The following SLC39A14 variants were observed in gnomAD, a reference collection of about 807,000 sequenced individuals.
The protein encoded by SLC39A14 is solute carrier family 39 member 14.
In SLC39A14, 19 loss-of-function variants were observed where a neutral mutation model predicts 45.5. That is an observed-to-expected ratio of 0.42 (90% CI 0.29 to 0.61). The LOEUF (loss-of-function observed/expected upper bound fraction) is 0.61, where lower values mean the gene tolerates loss of function less well. Ranked by LOEUF, SLC39A14 falls within the 20% of genes least tolerant of loss-of-function variation. The pLI is 0.22. For synonymous variants in SLC39A14, 264 were observed against 251.3 expected (o/e 1.05, Z -0.48); for missense variants, 447 against 616.5 (o/e 0.73, Z 2.91).
In SLC39A14 at chr8:22,415,783, C is replaced by G. The variant is rs769117630; in HGVS notation, c.765C>G (p.His255Gln). The G allele has an allele frequency of 6.2e-7, 1 of 1,612,064 alleles. No individual in the cohort carries two copies. Among genetic ancestry groups the G allele is most frequent in the Admixed American group, 1.7e-5 (1 of 59,180 alleles). The change falls in exon 6 of 9, where the codon CAC becomes CAG. Residue 255 changes from histidine (H) to glutamine (Q), a missense_variant. His to Gln is a conservative substitution (Grantham distance 24). Coordinates refer to ENST00000381237, the MANE Select transcript of SLC39A14 (RefSeq NM_001128431.4). ...LKQKNEHHHG[H>Q]SHYASESLPS... ...CACCCTTCCAGCATCATCATGGACA[C>G]AGCCATTATGCCTCTGAGTCGCTTC... is the stretch of plus-strand genomic sequence containing the variant.
intron 1 of SLC39A14, among the ~76,000 whole-genome samples, chr8:22,394,825 A>G (rs1834292665): frequency 6.6e-6 from 1 of 151,952 alleles, no homozygotes; most frequent in Admixed American, 6.6e-5. Flanking sequence ...TCTTTACCAA[A>G]TTGTGTGATG....
chr8:22,369,301 G>C (rs1005749274), intron 1 of SLC39A14, among the ~76,000 whole-genome samples: 1 of 152,214 alleles, frequency 6.6e-6, no homozygotes, highest in Non-Finnish European at 1.5e-5. Context: ...CGGGAGATTC[G>C]ATCCAGGTGT....
intron 1 of SLC39A14, among the ~76,000 whole-genome samples, chr8:22,374,387 G>A (rs1029021485): frequency 1.3e-5 from 2 of 152,190 alleles, no homozygotes; most frequent in African/African-American, 4.8e-5. Context: ...TCCTGAAGCT[G>A]CAGTAAGTGG....
At chr8:22,393,557 C>T (rs1039327274) in intron 1 of SLC39A14, among the ~76,000 whole-genome samples, 1 of 152,214 alleles carries the variant, frequency 6.6e-6, no homozygotes, top group African/African-American at 2.4e-5. Flanking sequence ...GGGACTCACA[C>T]AGATGACTGT....
chr8:22,404,478 T>A, intron 1 of SLC39A14: 2 of 358,886 alleles, frequency 5.6e-6, no homozygotes, highest in Non-Finnish European at 9.9e-6. Context: ...TTTTTTTTCA[T>A]TTTTCAATCT....
rs138883497 is a variant in SLC39A14, at chr8:22,432,527, G to A, written c.1333-1364G>A. 1.6e-3 allele frequency among the ~76,000 whole-genome samples: 248 copies of A among 151,034 alleles called. 1 individual carries two copies. The highest frequency in any genetic ancestry group is 5.8e-3 in the African/African-American group (240 of 41,112). ...AGGGTCTTGCTCTGCCACCCAGGCT[G>A]TAGTGTGGTGGTGTGATCATGGTTC... On this transcript the variant is annotated intron_variant, in intron 8 of 8. Transcript: ENST00000240095.
intron 1 of SLC39A14, among the ~76,000 whole-genome samples, chr8:22,382,023 C>A (rs1833541405): frequency 6.6e-6 from 1 of 151,998 alleles, no homozygotes; most frequent in African/African-American, 2.4e-5. Flanking sequence ...GGTCTGTAAT[C>A]CCAGCTACTT....
In SLC39A14 at chr8:22,404,858, C is replaced by A. The variant is rs536308326; in HGVS notation, c.148C>A (p.Arg50=). ...CTCCTTCCTGCAGGATCTAATACAT[C>A]GGTATGGCGAGGGTGACAGCCTCAC... ...AASFLQDLIH[R]YGEGDSLTLQ... is the part of the protein sequence containing the mutation. Residue 50 remains arginine, a synonymous_variant, in exon 2 of 9, where the codon CGG becomes AGG. Coordinates refer to ENST00000381237, the MANE Select transcript of SLC39A14 (RefSeq NM_001128431.4). The A allele has an allele frequency of 1.2e-6, 2 of 1,614,182 alleles. No homozygotes were observed. The highest frequency in any genetic ancestry group is 1.1e-5 in the South Asian group (1 of 91,084).
Position 22,367,904 on chromosome 8 carries a change from C to A in SLC39A14, c.-16+496C>A, listed in dbSNP as rs1285106711. On this transcript the variant is annotated intron_variant, in intron 1 of 8. Transcript: ENST00000381237. This position sits in a 1 kb window ranked among gnomAD's most constrained non-coding sequence, Gnocchi z 4.2. Reference sequence around the variant, plus strand: ...GAGCGAATCTCCAACCTGGCTTGCCCACGAGGATGGCTTTCTGGCTATTTT... The same window carrying A: ...GAGCGAATCTCCAACCTGGCTTGCCAACGAGGATGGCTTTCTGGCTATTTT... Among the ~76,000 whole-genome samples, 1 of 152,172 alleles carries A rather than the reference C, an allele frequency of 6.6e-6. No homozygotes were observed. The highest frequency in any genetic ancestry group is 1.5e-5 in the Non-Finnish European group (1 of 68,022).
At chr8:22,425,493 G>A (rs545188030), downstream of SLC39A14, among the ~76,000 whole-genome samples, 18 of 151,146 alleles carry the variant, frequency 1.2e-4, no homozygotes, top group Admixed American at 3.3e-4. Flanking sequence ...TTTTTGATGC[G>A]TGGGAAAACA....
At chr8:22,408,559 T>C (rs13281466) in intron 3 of SLC39A14, 63 bp downstream of exon 3, 4 of 1,449,824 alleles carry the variant, frequency 2.8e-6, no homozygotes, top group Non-Finnish European at 3.7e-6. Flanking sequence ...CAAGGACCCC[T>C]GGGCTGAGCT....
intron 3 of SLC39A14, chr8:22,409,969 G>C (rs1835471989): frequency 6.2e-7 from 1 of 1,613,916 alleles, no homozygotes; most frequent in African/African-American, 1.3e-5. Context: ...TTTTCTCAGT[G>C]TCTCACTGAT....
intron 2 of SLC39A14, 57 bp downstream of exon 2, chr8:22,405,037 G>T: frequency 1.9e-6 from 3 of 1,560,390 alleles, no homozygotes; most frequent in Non-Finnish European, 1.7e-6. Flanking sequence ...GCCTCTCAGG[G>T]TTCCCTGTCT....
intron 1 of SLC39A14, chr8:22,390,152 C>A: frequency 5.9e-6 from 1 of 168,950 alleles, no homozygotes. Context: ...ACTGCAGACG[C>A]CTCTGGTTTT....
chr8:22,378,570 G>C (rs191899194), intron 1 of SLC39A14, among the ~76,000 whole-genome samples: 1 of 152,254 alleles, frequency 6.6e-6, no homozygotes, highest in East Asian at 1.9e-4. Flanking sequence ...TCCATCCCCT[G>C]TGACACAGCC....
At chr8:22,393,295 C>T (rs959607672) in intron 1 of SLC39A14, 168 of 950,246 alleles carry the variant, frequency 1.8e-4, no homozygotes, top group Non-Finnish European at 2.1e-4. Context: ...GCCGATTAAG[C>T]CCCGGGGCAG....
chr8:22,381,217 C>A (rs1164507796), intron 1 of SLC39A14, among the ~76,000 whole-genome samples: 1 of 152,182 alleles, frequency 6.6e-6, no homozygotes, highest in Non-Finnish European at 1.5e-5. Context: ...CGTGATCTGC[C>A]CGCCTCGGCC....
chr8:22,375,539 G>T (rs1833169159), intron 1 of SLC39A14, among the ~76,000 whole-genome samples: 1 of 151,672 alleles, frequency 6.6e-6, no homozygotes, highest in Non-Finnish European at 1.5e-5. Context: ...AGGCTGGAGT[G>T]CAGTGGCACA....
At chr8:22,429,006 C>T (rs944313668) in intron 8 of SLC39A14, among the ~76,000 whole-genome samples, 1 of 152,108 alleles carries the variant, frequency 6.6e-6, no homozygotes, top group Non-Finnish European at 1.5e-5. Flanking sequence ...GGCGTGGTGG[C>T]TCACGCCTGT....
Sources: allele counts gnomAD v4.1 joint callset (sites outside exome capture counted in the v4.1 genomes callset), GRCh38; gene constraint gnomAD v4.1.1; non-coding constraint Gnocchi (gnomAD v3.1); transcripts MANE v1.5; gene names NCBI Gene and HGNC (gene_info 2026-07-23, HGNC 2026-07-21).